NEXN: variants seen among roughly 807,000 people sequenced by gnomAD.
NEXN encodes nexilin.
A neutral mutation model predicts 92.6 loss-of-function variants in NEXN; 65 were observed. That is an observed-to-expected ratio of 0.70 (90% CI 0.57 to 0.86). NEXN has a LOEUF of 0.86. Among genes scored for constraint, NEXN ranks in the 40% least tolerant of loss-of-function variants. The pLI is 0.00. For missense variants in NEXN, 778 were observed against 771.1 expected, an observed-to-expected ratio of 1.01 and a Z score of -0.11; for synonymous variants, 254 against 242.5, an observed-to-expected ratio of 1.05 and a Z score of -0.44.
At chr1:77,912,914 A>G (rs1277327981) in intron 1 of NEXN, among the ~76,000 whole-genome samples, 1 of 152,210 alleles carries the variant, frequency 6.6e-6, no homozygotes, top group Non-Finnish European at 1.5e-5. Flanking sequence ...CCAAAGTCAC[A>G]ATTCATGAAA....
At chr1:77,897,214 A>G (rs1401990185) in intron 1 of NEXN, among the ~76,000 whole-genome samples, 1 of 152,226 alleles carries the variant, frequency 6.6e-6, no homozygotes, top group Non-Finnish European at 1.5e-5. Flanking sequence ...CAAAAAAGAG[A>G]ATTTTAGACC....
chr1:77,893,914 A>G lies in NEXN; in HGVS notation c.-53+5155A>G, dbSNP rs894723694. 6.0e-5 allele frequency among the ~76,000 whole-genome samples: 9 copies of G among 149,680 alleles called. No homozygotes were observed. The Admixed American group carries it at 6.0e-4, about 10-fold the overall frequency. ...ACCATCTCGTCTTAGTGCAATCTCCACCCCCTGGGTTCAAGTGATTCTCTT... is the reference window on the plus strand; with the variant it reads ...ACCATCTCGTCTTAGTGCAATCTCCGCCCCCTGGGTTCAAGTGATTCTCTT... On this transcript the variant is annotated intron_variant, in intron 1 of 12. Coordinates refer to ENST00000334785, the MANE Select transcript of NEXN (RefSeq NM_144573.4).
At chr1:77,903,867 G>A (rs1647906113) in intron 1 of NEXN, among the ~76,000 whole-genome samples, 1 of 152,186 alleles carries the variant, frequency 6.6e-6, no homozygotes, top group Admixed American at 6.5e-5. Flanking sequence ...CGAAGCTACT[G>A]TGAGCTGTGA....
intron 1 of NEXN, among the ~76,000 whole-genome samples, chr1:77,912,057 C>A (rs979585230): frequency 2.0e-5 from 3 of 146,828 alleles, no homozygotes; most frequent in African/African-American, 5.1e-5. Context: ...CCAGTCTGGG[C>A]GACAGAGTGA....
intron 1 of NEXN, among the ~76,000 whole-genome samples, chr1:77,899,664 AAAAAAAT>A (rs1016646552): frequency 1.9e-4 from 29 of 151,590 alleles, no homozygotes; most frequent in African/African-American, 5.6e-4. Context: ...ATAATAAAAT[AAAAAAAT>A]AAAAAATAAA....
rs1447251442 is a variant in NEXN, at chr1:77,899,787, TAAG to T, written c.-53+11031_-53+11033del. 3.9e-5 allele frequency among the ~76,000 whole-genome samples: 6 copies of T among 152,254 alleles called. No individual in the cohort carries two copies. In the South Asian group the frequency reaches 8.3e-4, roughly 21 times the overall value. ...TAGCGCCTGACACAAAGTAGGAGCG[TAAG>T]AAATATTTGTTAAATAAATAATGAG... On this transcript the variant is annotated intron_variant, in intron 1 of 12. Transcript: ENST00000334785.
chr1:77,907,334 A>C (rs1017460361), intron 1 of NEXN, among the ~76,000 whole-genome samples: 3 of 152,244 alleles, frequency 2.0e-5, no homozygotes, highest in Admixed American at 6.5e-5. Context: ...ACAATAAAGG[A>C]ATCTTATATG....
chr1:77,898,745 T>G (rs1172619278), intron 1 of NEXN, among the ~76,000 whole-genome samples: 1 of 151,698 alleles, frequency 6.6e-6, no homozygotes, highest in Non-Finnish European at 1.5e-5. Context: ...TGGGAGAAAA[T>G]TTTCGCAACC....
At chr1:77,909,627 A>G (rs1648405343) in intron 1 of NEXN, among the ~76,000 whole-genome samples, 2 of 152,082 alleles carry the variant, frequency 1.3e-5, no homozygotes, top group African/African-American at 4.8e-5. Context: ...TAATAATGTC[A>G]TAAGCACCGA....
At chr1:77,941,997 G>A (rs535685135) in intron 11 of NEXN, 26 bp from the exon 12 acceptor site, 2 of 1,606,712 alleles carry the variant, frequency 1.2e-6, no homozygotes, top group Admixed American at 1.7e-5. Context: ...GCAAGCAATT[G>A]TTAATCTTGG....
At chr1:77,898,028 A>G (rs1647375524) in intron 1 of NEXN, among the ~76,000 whole-genome samples, 2 of 152,250 alleles carry the variant, frequency 1.3e-5, no homozygotes, top group Non-Finnish European at 2.9e-5. Context: ...AACAAATGGA[A>G]GAACATTCCA....
chr1:77,892,736 G>T (rs1201854606), intron 1 of NEXN, among the ~76,000 whole-genome samples: 1 of 152,152 alleles, frequency 6.6e-6, no homozygotes, highest in Non-Finnish European at 1.5e-5. Context: ...CTAATTGTTA[G>T]TGTCGATTAG....
At chr1:77,934,004 A>AATTTTTTTTTT (rs1289566597) in intron 10 of NEXN, among the ~76,000 whole-genome samples, 1 of 83,104 alleles carries the variant, frequency 1.2e-5, no homozygotes, top group African/African-American at 6.0e-5. Context: ...TGTCTGGCTA[A>AATTTTTTTTTT]TTTTTAATTT....
chr1:77,916,402 A>G (rs199578761), intron 2 of NEXN, among the ~76,000 whole-genome samples: 4 of 152,316 alleles, frequency 2.6e-5, no homozygotes, highest in East Asian at 3.9e-4. Flanking sequence ...TTCTGAGTAG[A>G]ATTTTAAATA....
At chr1:77,911,907 C>T (rs1224988652) in intron 1 of NEXN, among the ~76,000 whole-genome samples, 2 of 151,548 alleles carry the variant, frequency 1.3e-5, no homozygotes, top group East Asian at 2.0e-4. Flanking sequence ...GGTGAAACCC[C>T]GTCTCTACTA....
In NEXN at chr1:77,942,918, C is replaced by T. The variant is rs1651520601; in HGVS notation, c.*89C>T. The T allele has an allele frequency of 1.4e-6, 2 of 1,474,710 alleles. No individual in the cohort carries two copies. The highest frequency in any genetic ancestry group is 2.5e-5 in the East Asian group (1 of 40,124). The allele number at this position is 1,474,710 out of a possible 1,614,324, so 91.4% of individuals were successfully genotyped here. A position where few individuals can be genotyped will look rare whatever the true frequency, so the allele number is the denominator to read the frequency against. On this transcript the variant is annotated 3_prime_UTR_variant, in exon 13 of 13. Coordinates refer to ENST00000334785, the MANE Select transcript of NEXN (RefSeq NM_144573.4). ...TTTTTAGCTGATGACTACTAGCTCC[C>T]CTCCCCTCTCCCTGGAACTTTCTCT...
At chr1:77,934,636 G>A (rs1282550739) in intron 10 of NEXN, among the ~76,000 whole-genome samples, 2 of 152,126 alleles carry the variant, frequency 1.3e-5, no homozygotes, top group African/African-American at 2.4e-5. Context: ...TTCCCTCTTC[G>A]GACTCTGCTG....
chr1:77,903,305 T>TACC (rs1647862909), intron 1 of NEXN, among the ~76,000 whole-genome samples: 2 of 152,204 alleles, frequency 1.3e-5, no homozygotes, highest in African/African-American at 4.8e-5. Context: ...TTTTTACCAA[T>TACC]AATGTATACT....
At chr1:77,905,974 T>G (rs1442375572) in intron 1 of NEXN, among the ~76,000 whole-genome samples, 1 of 152,126 alleles carries the variant, frequency 6.6e-6, no homozygotes, top group Non-Finnish European at 1.5e-5. Context: ...AGAAGTAATT[T>G]AATCTACTAA....
Sources: gnomAD v4.1 joint callset for allele counts (sites outside exome capture counted in the v4.1 genomes callset) on GRCh38, gnomAD v4.1.1 for gene constraint, MANE v1.5 for transcripts, NCBI Gene and HGNC (gene_info 2026-07-23, HGNC 2026-07-21) for gene names.